Variants in HOXA13 observed in about 807,000 individuals in gnomAD.
HOXA13 encodes the protein homeobox A13.
HOXA13 carries 5 observed loss-of-function variants against 25.7 expected under a neutral mutation model. The observed-to-expected ratio is 0.19, with a 90% CI of 0.10 to 0.41. The LOEUF (loss-of-function observed/expected upper bound fraction) is 0.41. HOXA13 is among the 10% of genes least tolerant of loss of function. The probability of loss-of-function intolerance (pLI) is 1.00; values close to 1 mark genes in which losing one functional copy is unlikely to be tolerated. For synonymous variants in HOXA13, 284 were observed against 241.1 expected, an observed-to-expected ratio of 1.18 and a Z score of -1.65; for missense variants, 557 against 533.5, an observed-to-expected ratio of 1.04 and a Z score of -0.43.
At chr7:27,199,071 A>G in intron 1 of HOXA13, 85 bp downstream of exon 1, 1 of 1,343,360 alleles carries the variant, frequency 7.4e-7, no homozygotes, top group Non-Finnish European at 1.0e-6. Flanking sequence ...GAGAACAGAA[A>G]CGCACCCGGG....
intron 1 of HOXA13, 100 bp downstream of exon 1, chr7:27,199,056 A>G (rs933892094): frequency 2.0e-5 from 23 of 1,166,308 alleles, no homozygotes; most frequent in Non-Finnish European, 2.5e-5. Context: ...AGGGCAGACC[A>G]GGAAGAGAAC....
At position 27,199,239 on chromosome 7, in the gene HOXA13, G is replaced by C; in HGVS notation, c.839C>G (p.Ala280Gly). 6.2e-7 allele frequency: 1 copy of C among 1,613,950 alleles called. No homozygotes were observed. Among genetic ancestry groups the C allele is most frequent in the South Asian group, 1.1e-5 (1 of 91,068 alleles). ...GLPMESYQPW[A>G]LPNGWNGQMY... ...TTGGCCGTTCCAGCCGTTGGGCAGC[G>C]CCCAGGGCTGGTAGCTTTCCATGGG... Residue 280 changes from alanine to glycine, a missense_variant, in exon 1 of 2, where the codon GCG becomes GGG. Transcript: ENST00000649031.
At chr7:27,198,986 C>T (rs1784045341) in intron 1 of HOXA13, among the ~76,000 whole-genome samples, 170 bp downstream of exon 1, 1 of 152,134 alleles carries the variant, frequency 6.6e-6, no homozygotes, top group East Asian at 1.9e-4. Context: ...CAGCTCAACT[C>T]GAGGCAGTGC....
At position 27,199,901 on chromosome 7, in the gene HOXA13, G is replaced by A. The variant is rs1400047830; in HGVS notation, c.177C>T (p.Pro59=). 4 of 1,114,144 alleles carry A rather than the reference G, an allele frequency of 3.6e-6. No homozygotes were observed. In the South Asian group the frequency reaches 1.6e-4, roughly 44 times the overall value. 69.0% of individuals were successfully genotyped at this position (1,114,144 alleles called of 1,614,324 possible). The change falls in exon 1 of 2, where the codon CCC becomes CCT. Residue 59 remains proline (P), a synonymous_variant. Coordinates refer to ENST00000649031, the MANE Select transcript of HOXA13 (RefSeq NM_000522.5). ...CCCCTGCCGCCGCAGCCGCCGGGTGGGGGAAGCCCCCGCCCCCGGCCCCGG... is the reference window on the plus strand; with the variant it reads ...CCCCTGCCGCCGCAGCCGCCGGGTGAGGGAAGCCCCCGCCCCCGGCCCCGG... ...AAAGAGGGGF[P]HPAAAAAGGN...
Position 27,197,321 on chromosome 7 carries a change from G to T in HOXA13, c.*877C>A, listed in dbSNP as rs1784015551. On this transcript the variant is annotated 3_prime_UTR_variant, in exon 2 of 2. Coordinates refer to ENST00000649031, the MANE Select transcript of HOXA13 (RefSeq NM_000522.5). ...CAATTCAAATGAAAAAACGAATTGT[G>T]TTCAAACCAAAGTCCATCATGTTGG... is the stretch of plus-strand genomic sequence containing the variant. The T allele has an allele frequency of 4.7e-6, 1 of 212,034 alleles. No individual in the cohort carries two copies. 13.1% of individuals were successfully genotyped at this position (212,034 alleles called of 1,614,324 possible).
At chr7:27,199,117 G>C (rs151222178) in intron 1 of HOXA13, 39 bp downstream of exon 1, 1 of 1,583,528 alleles carries the variant, frequency 6.3e-7, no homozygotes, top group Non-Finnish European at 8.6e-7. Flanking sequence ...AGCTGGAGCA[G>C]AGCCGGAAGA....
In HOXA13 at chr7:27,197,888, T is replaced by C. The variant is rs992224989; in HGVS notation, c.*310A>G. The stretch of plus-strand genomic sequence containing the variant: ...TAAAATGTAACGATCACTTAAATAC[T>C]TACAAGATTTCAGTAACTGCGTAAC... On this transcript the variant is annotated 3_prime_UTR_variant, in exon 2 of 2. Coordinates refer to ENST00000649031, the MANE Select transcript of HOXA13 (RefSeq NM_000522.5). 2.6e-5 allele frequency: 12 copies of C among 456,032 alleles called. No individual in the cohort carries two copies. The highest frequency in any genetic ancestry group is 4.8e-5 in the Non-Finnish European group (12 of 250,500). The allele number at this position is 456,032 out of a possible 1,614,324, so 28.2% of individuals were successfully genotyped here.
intron 1 of HOXA13, 102 bp downstream of exon 1, chr7:27,199,054 C>T (rs1784047200): frequency 8.6e-7 from 1 of 1,158,838 alleles, no homozygotes; most frequent in Non-Finnish European, 1.2e-6. Context: ...CTAGGGCAGA[C>T]CAGGAAGAGA....
Position 27,199,170 on chromosome 7 carries a change from T to G in HOXA13, c.908A>C (p.Lys303Thr), listed in dbSNP as rs1210927255. 7 of 1,611,486 alleles carry G rather than the reference T, an allele frequency of 4.3e-6. No individual in the cohort carries two copies. Among genetic ancestry groups the G allele is most frequent in the African/African-American group, 1.3e-5 (1 of 74,830 alleles). Reference sequence around the variant, plus strand: ...TCGTCATTTACCGGGCAGAGTGGACTTCCAGAGGTGGGGAGGCTGCGCCTG... The same window carrying G: ...TCGTCATTTACCGGGCAGAGTGGACGTCCAGAGGTGGGGAGGCTGCGCCTG... ...KEQAQPPHLW[K>T]STLPDVVSHP... The change falls in exon 1 of 2, where the codon AAG becomes ACG. Residue 303 changes from lysine (K) to threonine (T), a missense_variant. Coordinates refer to ENST00000649031, the MANE Select transcript of HOXA13 (RefSeq NM_000522.5).
Position 27,200,001 on chromosome 7 carries a change from A to C in HOXA13, c.77T>G (p.Leu26Arg). 6.8e-7 allele frequency: 1 copy of C among 1,477,786 alleles called. No individual in the cohort carries two copies. Among genetic ancestry groups the C allele is most frequent in the Non-Finnish European group, 9.1e-7 (1 of 1,100,940 alleles). The allele number at this position is 1,477,786 out of a possible 1,614,324, so 91.5% of individuals were successfully genotyped here. A position where few individuals can be genotyped will look rare whatever the true frequency, so the allele number is the denominator to read the frequency against. Residue 26 changes from leucine to arginine, a missense_variant, in exon 1 of 2, where the codon CTG (leucine) becomes CGG (arginine). Physicochemically the swap from Leu to Arg is moderately radical, Grantham distance 102. Transcript: ENST00000649031. ...VMFLYDNGGG[L>R]VADELNKNME... The stretch of plus-strand genomic sequence containing the variant: ...GTTCTTGTTGAGCTCGTCGGCCACC[A>C]GGCCGCCGCCGTTGTCGTAGAGAAA...
Position 27,200,043 on chromosome 7 carries a change from A to G in HOXA13, c.35T>C (p.Ile12Thr). ...GTAGAGAAACATGACGGTGGGCTCG[A>G]TCCAGCGGGGGTGGAGGAGCACGGA... Reference protein sequence around the residue: ...TASVLLHPRWIEPTVMFLYDN... With the variant: ...TASVLLHPRWTEPTVMFLYDN... Residue 12 changes from isoleucine (I) to threonine (T), a missense_variant, in exon 1 of 2, where the codon ATC (isoleucine) becomes ACC (threonine). Physicochemically the swap from Ile to Thr is moderately conservative, Grantham distance 89. Transcript: ENST00000649031. The G allele has an allele frequency of 6.7e-7, 1 of 1,481,716 alleles. No homozygotes were observed. Among genetic ancestry groups the G allele is most frequent in the African/African-American group, 1.5e-5 (1 of 68,510 alleles). 91.8% of individuals were successfully genotyped at this position (1,481,716 alleles called of 1,614,324 possible). A position where few individuals can be genotyped will look rare whatever the true frequency, so the allele number is the denominator to read the frequency against.
rs201761598 is a variant in HOXA13, at chr7:27,199,394, G to A, written c.684C>T (p.Phe228=). 3 of 1,614,098 alleles carry A rather than the reference G, an allele frequency of 1.9e-6. No homozygotes were observed. The African/African-American group carries it at 4.0e-5, about 22-fold the overall frequency. Residue 228 remains phenylalanine (F), a synonymous_variant, in exon 1 of 2, where the codon TTC becomes TTT. Transcript: ENST00000649031. ...AEEFSSRAKE[F]AFYHQGYAAG... ...CTGCGTAGCCCTGGTGGTAGAAGGCGAACTCCTTAGCGCGGGAGCTGAACT... is the reference window on the plus strand; with the variant it reads ...CTGCGTAGCCCTGGTGGTAGAAGGCAAACTCCTTAGCGCGGGAGCTGAACT...
Position 27,199,802 on chromosome 7 carries a change from C to T in HOXA13, c.276G>A (p.Ala92=), listed in dbSNP as rs772290455. 1.5e-5 allele frequency: 15 copies of T among 1,018,668 alleles called. 1 individual carries two copies. The South Asian group carries it at 5.3e-4, about 36-fold the overall frequency. 63.1% of individuals were successfully genotyped at this position (1,018,668 alleles called of 1,614,324 possible). Residue 92 remains alanine (A), a synonymous_variant, in exon 1 of 2, where the codon GCG becomes GCA. Transcript: ENST00000649031. ...AAANQCRNLM[A]HPAPLAPGAA... ...CTCCTGGCGCCAAGGGCGCCGGGTG[C>T]GCCATCAGGTTGCGGCACTGGTTGG...
rs1333885205 is a variant in HOXA13 at position 27,196,620 on chromosome 7, A to G, written c.*1578T>C. The G allele has an allele frequency of 2.0e-5, 3 of 152,310 alleles. No homozygotes were observed. Among genetic ancestry groups the G allele is most frequent in the Admixed American group, 2.0e-4 (3 of 15,286 alleles). The allele number at this position is 152,310 out of a possible 1,614,324, so 9.4% of individuals were successfully genotyped here. Reference sequence around the variant, plus strand: ...TTTCATTTTCCACAGGGAGCCTGGGAATTCATACTATCTCTTCCTCCTTTC... The same window carrying G: ...TTTCATTTTCCACAGGGAGCCTGGGGATTCATACTATCTCTTCCTCCTTTC... On this transcript the variant is annotated 3_prime_UTR_variant, in exon 2 of 2. Coordinates refer to ENST00000649031, the MANE Select transcript of HOXA13 (RefSeq NM_000522.5).
Position 27,199,073 on chromosome 7 carries a change from G to C in HOXA13, c.922+83C>G, listed in dbSNP as rs554794886. ...GGCAGACCAGGAAGAGAACAGAAAC[G>C]CACCCGGGATCGCCCGGGTGCGAGC... On this transcript the variant is annotated intron_variant, in intron 1 of 1. Transcript: ENST00000649031. 6 of 1,384,224 alleles carry C rather than the reference G, an allele frequency of 4.3e-6. No homozygotes were observed. In the African/African-American group the frequency reaches 4.3e-5, roughly 10 times the overall value. The allele number at this position is 1,384,224 out of a possible 1,614,324, so 85.7% of individuals were successfully genotyped here.
chr7:27,199,085 G>A, intron 1 of HOXA13, 71 bp downstream of exon 1: 2 of 1,455,516 alleles, frequency 1.4e-6, no homozygotes, highest in East Asian at 2.3e-5. Flanking sequence ...ACCCGGGATC[G>A]CCCGGGTGCG....
chr7:27,199,424 G>T lies in HOXA13; in HGVS notation c.654C>A (p.Ala218=). 1 of 1,613,926 alleles carries T rather than the reference G, an allele frequency of 6.2e-7. No homozygotes were observed. The highest frequency in any genetic ancestry group is 8.5e-7 in the Non-Finnish European group (1 of 1,179,966). Reference sequence around the variant, plus strand: ...CCTTAGCGCGGGAGCTGAACTCCTCGGCAGCTGGGCCGGCGGTATCCATGT... The same window carrying T: ...CCTTAGCGCGGGAGCTGAACTCCTCTGCAGCTGGGCCGGCGGTATCCATGT... ...DKYMDTAGPA[A]EEFSSRAKEF... The change falls in exon 1 of 2, where the codon GCC becomes GCA. Residue 218 remains alanine (A), a synonymous_variant. Coordinates refer to ENST00000649031, the MANE Select transcript of HOXA13 (RefSeq NM_000522.5).
chr7:27,198,289 G>A lies in HOXA13; in HGVS notation c.1076C>T (p.Thr359Met), dbSNP rs149615551. The change falls in exon 2 of 2, where the codon ACG becomes ATG. Residue 359 changes from threonine to methionine, a missense_variant. Physicochemically the swap from Thr to Met is moderately conservative, Grantham distance 81. Coordinates refer to ENST00000649031, the MANE Select transcript of HOXA13 (RefSeq NM_000522.5). ...KDKRRRISAT[T>M]NLSERQVTIW... is the part of the protein sequence containing the mutation. ...TGTGACCTGCCGCTCAGAGAGATTC[G>A]TCGTGGCTGATATCCGCCTCCGTTT... The A allele has an allele frequency of 2.5e-6, 4 of 1,614,122 alleles. No homozygotes were observed. In the African/African-American group the frequency reaches 5.3e-5, roughly 22 times the overall value.
At position 27,199,703 on chromosome 7, in the gene HOXA13, AGCGGCAGCCGCGGCAGCAGCG is replaced by A. The variant is rs1253127228; in HGVS notation, c.354_374del (p.Ala127_Ala133del). 2.3e-5 allele frequency: 24 copies of A among 1,053,684 alleles called. No homozygotes were observed. The highest frequency in any genetic ancestry group is 4.5e-5 in the South Asian group (1 of 22,024). 65.3% of individuals were successfully genotyped at this position (1,053,684 alleles called of 1,614,324 possible). ...ACGCGGCGGCGGCGGCGGCGGCTGCAGCGGCAGCCGCGGCAGCAGCGGCGGCAGCCGACGGGGGCGCCTCCC... is the reference window on the plus strand; with the variant it reads ...ACGCGGCGGCGGCGGCGGCGGCTGCAGCGGCAGCCGACGGGGGCGCCTCCC... On this transcript the variant is annotated inframe_deletion, in exon 1 of 2. Coordinates refer to ENST00000649031, the MANE Select transcript of HOXA13 (RefSeq NM_000522.5).
Sources: gnomAD v4.1 joint callset for allele counts (sites outside exome capture counted in the v4.1 genomes callset) on GRCh38, gnomAD v4.1.1 for gene constraint, MANE v1.5 for transcripts, NCBI Gene and HGNC (gene_info 2026-07-23, HGNC 2026-07-21) for gene names.